SLC35F3: variants seen among roughly 807,000 people sequenced by gnomAD.
SLC35F3 encodes putative thiamine transporter SLC35F3.
Under a neutral mutation model 49.9 loss-of-function variants are expected in SLC35F3, and 25 were observed. The observed-to-expected ratio is 0.50, with a 90% confidence interval of 0.37 to 0.70. The LOEUF is 0.70. Ranked by LOEUF, SLC35F3 falls within the 30% of genes least tolerant of loss-of-function variation. SLC35F3 has a pLI of 0.00. For missense variants in SLC35F3, 525 were observed against 639.8 expected, an observed-to-expected ratio of 0.82 and a Z score of 1.94; for synonymous variants, 275 against 265.4, an observed-to-expected ratio of 1.04 and a Z score of -0.35.
intron 3 of SLC35F3, among the ~76,000 whole-genome samples, chr1:234,288,588 G>A (rs1040284273): frequency 2.6e-5 from 4 of 152,166 alleles, no homozygotes; most frequent in South Asian, 2.1e-4. Context: ...TTGAAGGAAG[G>A]GTATGGCAAG....
At chr1:234,126,093 G>A (rs17512304) in intron 2 of SLC35F3, among the ~76,000 whole-genome samples, 2 of 152,090 alleles carry the variant, frequency 1.3e-5, no homozygotes, top group African/African-American at 4.8e-5. Context: ...ATGACTGGCT[G>A]TGTGAAAAAG....
intron 2 of SLC35F3, among the ~76,000 whole-genome samples, chr1:234,026,047 T>C (rs920207471): frequency 6.6e-6 from 1 of 152,250 alleles, no homozygotes; most frequent in African/African-American, 2.4e-5. Context: ...GCACCATTTA[T>C]TGAATAGGGA....
Position 233,982,212 on chromosome 1 carries a change from A to G in SLC35F3, c.283+76454A>G, listed in dbSNP as rs989690788. On this transcript the variant is annotated intron_variant, in intron 2 of 7. Transcript: ENST00000366618. ...AGTCTTGGGATTACCGGCATGAGCC[A>G]TGACGCCCAGCTGTGATGTTGAACA... is the stretch of plus-strand genomic sequence containing the variant. 3.3e-5 allele frequency among the ~76,000 whole-genome samples: 5 copies of G among 152,306 alleles called. No individual in the cohort carries two copies. The East Asian group carries it at 9.7e-4, about 30-fold the overall frequency.
At chr1:234,111,481 G>A (rs866328939) in intron 2 of SLC35F3, among the ~76,000 whole-genome samples, 8 of 152,198 alleles carry the variant, frequency 5.3e-5, no homozygotes, top group Middle Eastern at 3.4e-3. Flanking sequence ...CAGTAGAGAC[G>A]GGGGTCTCAC....
chr1:234,212,720 CTATA>C (rs1667061396), intron 2 of SLC35F3: 1 of 152,120 alleles, frequency 6.6e-6, no homozygotes, highest in Non-Finnish European at 1.5e-5. Flanking sequence ...GTTTTAGTTA[CTATA>C]TATAATAAAT....
rs574367088 is a variant in SLC35F3, at chr1:233,950,214, G to A, written c.283+44456G>A. On this transcript the variant is annotated intron_variant, in intron 2 of 7. Coordinates refer to ENST00000366618, the MANE Select transcript of SLC35F3 (RefSeq NM_173508.4). ...ATCCTGGCTAACATGGTGAAACCCC[G>A]TCTCTACTAAAAATACAAAAAATTA... Among the ~76,000 whole-genome samples the A allele has an allele frequency of 1.2e-4, 18 of 151,534 alleles. No homozygotes were observed. In the South Asian group the frequency reaches 1.9e-3, roughly 16 times the overall value.
At chr1:234,068,442 G>A (rs1411156250) in intron 2 of SLC35F3, among the ~76,000 whole-genome samples, 1 of 152,104 alleles carries the variant, frequency 6.6e-6, no homozygotes, top group African/African-American at 2.4e-5. Flanking sequence ...TGTAACAGAA[G>A]ACTCACATGC....
chr1:234,319,554 T>C (rs1340239026), intron 6 of SLC35F3, among the ~76,000 whole-genome samples: 2 of 151,634 alleles, frequency 1.3e-5, no homozygotes, highest in Non-Finnish European at 2.9e-5. Flanking sequence ...ATTTAAAAAT[T>C]AGCCAGGTGC....
intron 2 of SLC35F3, among the ~76,000 whole-genome samples, chr1:234,194,598 T>G (rs1254331209): frequency 6.7e-6 from 1 of 149,050 alleles, no homozygotes; most frequent in African/African-American, 2.5e-5. Context: ...CCTATGGAAA[T>G]TTTTTAAAAA....
At chr1:233,983,661 C>T (rs542211716) in intron 2 of SLC35F3, among the ~76,000 whole-genome samples, 2 of 152,200 alleles carry the variant, frequency 1.3e-5, no homozygotes, top group African/African-American at 2.4e-5. Context: ...CCATCATTAC[C>T]AGCTAGCTCC....
intron 2 of SLC35F3, among the ~76,000 whole-genome samples, chr1:234,132,693 A>AT (rs1264346759): frequency 6.6e-6 from 1 of 152,176 alleles, no homozygotes; most frequent in East Asian, 1.9e-4. Context: ...TGCAGTGTTA[A>AT]TTTTTTATTG....
intron 2 of SLC35F3, among the ~76,000 whole-genome samples, chr1:234,108,868 G>A (rs917402877): frequency 6.8e-6 from 1 of 147,802 alleles, no homozygotes; most frequent in East Asian, 2.0e-4. Context: ...CATAGCCCAG[G>A]TATAAATCTC....
Position 234,323,003 on chromosome 1 carries a change from C to A in SLC35F3, c.1238-5C>A. 1 of 1,612,450 alleles carries A rather than the reference C, an allele frequency of 6.2e-7. No individual in the cohort carries two copies. The highest frequency in any genetic ancestry group is 8.5e-7 in the Non-Finnish European group (1 of 1,178,976). On this transcript the variant is annotated splice_region_variant and splice_polypyrimidine_tract_variant and intron_variant, in intron 7 of 7. Coordinates refer to ENST00000366618, the MANE Select transcript of SLC35F3 (RefSeq NM_173508.4). The surrounding 1 kb of genome is among the most constrained non-coding windows in gnomAD (Gnocchi z 4.5). ...TGAGAAACCTCCATGCTCTGTCTCC[C>A]ACAGTGATTGATCACTACACCAGTC...
At chr1:233,952,280 T>C (rs1465490454) in intron 2 of SLC35F3, among the ~76,000 whole-genome samples, 4 of 152,214 alleles carry the variant, frequency 2.6e-5, no homozygotes, top group Non-Finnish European at 1.5e-5. Context: ...TCTGTATTCT[T>C]TATCTGCCAT....
chr1:234,180,831 T>C (rs914792728), intron 2 of SLC35F3, among the ~76,000 whole-genome samples: 28 of 152,206 alleles, frequency 1.8e-4, no homozygotes, highest in African/African-American at 6.3e-4. Context: ...TTTAATTTTG[T>C]CTTAGCTTTT....
At chr1:233,925,849 A>G (rs1662149065) in intron 2 of SLC35F3, among the ~76,000 whole-genome samples, 1 of 152,120 alleles carries the variant, frequency 6.6e-6, no homozygotes, top group Non-Finnish European at 1.5e-5. Context: ...ATCTCTGAGC[A>G]TTTGCTTGTC....
intron 2 of SLC35F3, among the ~76,000 whole-genome samples, chr1:234,223,565 C>G (rs1414200602): frequency 6.6e-6 from 1 of 152,238 alleles, no homozygotes; most frequent in African/African-American, 2.4e-5. Context: ...AAGCAATTCA[C>G]AGGAGGCAAA....
chr1:234,184,964 C>CCA (rs1452620684), intron 2 of SLC35F3, among the ~76,000 whole-genome samples: 2 of 152,148 alleles, frequency 1.3e-5, no homozygotes, highest in Non-Finnish European at 2.9e-5. Context: ...GGCATTTGTA[C>CCA]CACACACTGC....
intron 2 of SLC35F3, among the ~76,000 whole-genome samples, chr1:233,946,164 G>A (rs1212457482): frequency 2.0e-5 from 3 of 152,220 alleles, no homozygotes; most frequent in Non-Finnish European, 2.9e-5. Context: ...AGCCCAGTGC[G>A]GAAAAGAGTG....
Sources: allele counts gnomAD v4.1 joint callset (sites outside exome capture counted in the v4.1 genomes callset), GRCh38; gene constraint gnomAD v4.1.1; non-coding constraint Gnocchi (gnomAD v3.1); transcripts MANE v1.5; gene names NCBI Gene and HGNC (gene_info 2026-07-23, HGNC 2026-07-21).